Variants in GAK observed in about 807,000 individuals in gnomAD.
GAK encodes cyclin-G-associated kinase.
In GAK, 79 loss-of-function variants were observed where a neutral mutation model predicts 143.9. The observed-to-expected ratio is 0.55, with a 90% CI of 0.46 to 0.66. The LOEUF (loss-of-function observed/expected upper bound fraction) is 0.66, where lower values mean the gene tolerates loss of function less well. Ranked by LOEUF, GAK falls within the 30% of genes least tolerant of loss-of-function variation. The probability of loss-of-function intolerance (pLI) is 0.00; values close to 1 mark genes in which losing one functional copy is unlikely to be tolerated. For missense variants in GAK, 1,693 were observed against 1,779.7 expected (o/e 0.95, Z 0.88); for synonymous variants, 881 against 765.5 (o/e 1.15, Z -2.49).
At chr4:920,017 A>G (rs1407669490) in intron 1 of GAK, among the ~76,000 whole-genome samples, 1 of 152,164 alleles carries the variant, frequency 6.6e-6, no homozygotes, top group Admixed American at 6.5e-5. Context: ...TCTTGTCTTA[A>G]AAAACAAAAA....
In GAK at chr4:913,710, A is replaced by C. The variant is rs377631768; in HGVS notation, c.146-42T>G. On this transcript the variant is annotated intron_variant, in intron 1 of 27. Coordinates refer to ENST00000314167, the MANE Select transcript of GAK (RefSeq NM_005255.4). ...CTTGTCAGTTCAATGCTATGATTTT[A>C]TTTAACATATCAGGCTTTAAAAATA... 126 of 1,487,878 alleles carry C rather than the reference A, an allele frequency of 8.5e-5. 1 individual carries two copies. The highest frequency in any genetic ancestry group is 6.1e-5 in the Non-Finnish European group (65 of 1,065,474). 92.2% of individuals were successfully genotyped at this position (1,487,878 alleles called of 1,614,324 possible).
intron 22 of GAK, among the ~76,000 whole-genome samples, chr4:865,481 TGAG>T (rs201371050): frequency 0.22 from 33,952 of 152,064 alleles, 3,968 homozygotes; most frequent in Middle Eastern, 0.4. Flanking sequence ...CAGGCCAGGC[TGAG>T]AACAAGCATC....
Position 876,541 on chromosome 4 carries a change from C to G in GAK, c.2043G>C (p.Val681=), listed in dbSNP as rs1321985926. ...TGFVPRNATT[V]KFAKYDLDAC... is the part of the protein sequence containing the mutation. ...CGGTACCAACGTACTTGGCAAATTT[C>G]ACAGTGGTGGCGTTCCGAGGCACAA... The change falls in exon 18 of 28, where the codon GTG becomes GTC. Residue 681 remains valine, a synonymous_variant. Transcript: ENST00000314167. 11 of 1,614,046 alleles carry G rather than the reference C, an allele frequency of 6.8e-6. No homozygotes were observed.
chr4:874,669 T>TAA (rs1303135196), intron 18 of GAK, among the ~76,000 whole-genome samples: 6 of 145,182 alleles, frequency 4.1e-5, no homozygotes, highest in East Asian at 4.0e-4. Context: ...TTCTTTTTGT[T>TAA]AAAAAAAAAA....
At chr4:859,765 G>A (rs1749951396) in intron 23 of GAK, 43 bp from the exon 24 acceptor site, 3 of 1,395,786 alleles carry the variant, frequency 2.1e-6, no homozygotes, top group Non-Finnish European at 3.0e-6. Flanking sequence ...ACCATCTGAA[G>A]CGAAACACAT....
chr4:904,443 C>T (rs544266003), intron 5 of GAK, among the ~76,000 whole-genome samples, 194 bp downstream of exon 5: 8 of 144,386 alleles, frequency 5.5e-5, no homozygotes, highest in African/African-American at 1.8e-4. Flanking sequence ...CCGAGCGGGA[C>T]CCGCACACAG....
chr4:896,830 G>C (rs1446021679), intron 6 of GAK, among the ~76,000 whole-genome samples: 1 of 152,252 alleles, frequency 6.6e-6, no homozygotes, highest in Non-Finnish European at 1.5e-5. Context: ...CCGACGTATT[G>C]GCCTGCTGCG....
rs560128687 is a variant in GAK at position 877,741 on chromosome 4, A to G, written c.1730T>C (p.Val577Ala). Residue 577 changes from valine (V) to alanine (A), a missense_variant, in exon 16 of 28, where the codon GTG becomes GCG. Transcript: ENST00000314167. ...PITPHSKPIL[V>A]RAVVMTPVPL... ...CACGGGTGTCATGACCACGGCCCTC[A>G]CCAGGATGGGCTTGCTGTGGGGTGT... 6 of 1,613,326 alleles carry G rather than the reference A, an allele frequency of 3.7e-6. No individual in the cohort carries two copies. In the South Asian group the frequency reaches 5.5e-5, roughly 15 times the overall value.
chr4:855,825 C>T (rs575229825), intron 24 of GAK, among the ~76,000 whole-genome samples: 1 of 152,268 alleles, frequency 6.6e-6, no homozygotes, highest in East Asian at 1.9e-4. Flanking sequence ...CATGGTGGTG[C>T]ATGCCTGTAA....
At chr4:902,728 T>A (rs1011206843) in intron 5 of GAK, among the ~76,000 whole-genome samples, 3 of 151,632 alleles carry the variant, frequency 2.0e-5, no homozygotes, top group African/African-American at 7.3e-5. Context: ...CTAGGTTTTT[T>A]AAAAAACACA....
At chr4:874,181 T>C (rs2152779839) in intron 18 of GAK, among the ~76,000 whole-genome samples, 1 of 152,252 alleles carries the variant, frequency 6.6e-6, no homozygotes, top group African/African-American at 2.4e-5. Flanking sequence ...GTGTTGGTGC[T>C]CCTGCTGTCT....
intron 1 of GAK, among the ~76,000 whole-genome samples, chr4:915,054 AACAC>A (rs1243321303): frequency 4.0e-5 from 3 of 75,372 alleles, no homozygotes; most frequent in Non-Finnish European, 7.5e-5. Flanking sequence ...GCACACGGCC[AACAC>A]ACACAGTCCC....
chr4:856,601 G>GCTGCTCACCACAGGTGCTCACAC (rs1277274027), intron 24 of GAK, among the ~76,000 whole-genome samples: 24,311 of 97,740 alleles, frequency 0.25, 2,783 homozygotes, highest in African/African-American at 0.29. Context: ...GGTGCTCACA[G>GCTGCTCACCACAGGTGCTCACAC]CTGCTCACCA....
chr4:857,635 G>A (rs975143502), intron 24 of GAK, among the ~76,000 whole-genome samples: 1 of 152,140 alleles, frequency 6.6e-6, no homozygotes, highest in Non-Finnish European at 1.5e-5. Flanking sequence ...TGCGGGGTCT[G>A]CAGTGGTGCC....
In GAK at chr4:890,529, C is replaced by A; in HGVS notation, c.1081+3G>T. ...GGTGGCGGGCACAGGACAGGGCACTCACCTCCACTGTAGCCACTGCCAGCG... is the reference window on the plus strand; with the variant it reads ...GGTGGCGGGCACAGGACAGGGCACTAACCTCCACTGTAGCCACTGCCAGCG... On this transcript the variant is annotated splice_donor_region_variant and intron_variant, in intron 10 of 27. Transcript: ENST00000314167. 1 of 1,603,532 alleles carries A rather than the reference C, an allele frequency of 6.2e-7. No individual in the cohort carries two copies. Among genetic ancestry groups the A allele is most frequent in the South Asian group, 1.1e-5 (1 of 89,840 alleles).
chr4:919,660 C>G (rs1723617233), intron 1 of GAK, among the ~76,000 whole-genome samples: 1 of 152,240 alleles, frequency 6.6e-6, no homozygotes, highest in Admixed American at 6.5e-5. Flanking sequence ...GATGCCTTCC[C>G]TAATGCACCT....
intron 10 of GAK, among the ~76,000 whole-genome samples, chr4:890,306 G>A (rs1275104128): frequency 6.6e-6 from 1 of 152,172 alleles, no homozygotes; most frequent in Non-Finnish European, 1.5e-5. Flanking sequence ...TCCGAATCCT[G>A]ACCCCCTCCT....
intron 23 of GAK, among the ~76,000 whole-genome samples, chr4:860,807 G>A (rs1021551542): frequency 7.2e-5 from 11 of 151,972 alleles, no homozygotes; most frequent in African/African-American, 2.2e-4. Context: ...TCGAGGGGAC[G>A]GGCACCCAGG....
At chr4:909,997 C>T (rs1721763399) in intron 4 of GAK, among the ~76,000 whole-genome samples, 1 of 152,086 alleles carries the variant, frequency 6.6e-6, no homozygotes, top group Non-Finnish European at 1.5e-5. Flanking sequence ...TCAGGACAAC[C>T]CTGGCAACAG....
Sources: allele counts gnomAD v4.1 joint callset (sites outside exome capture counted in the v4.1 genomes callset), GRCh38; gene constraint gnomAD v4.1.1; transcripts MANE v1.5; gene names NCBI Gene and HGNC (gene_info 2026-07-23, HGNC 2026-07-21).